The following VCAN variants were observed in gnomAD, a reference collection of about 807,000 sequenced individuals.
VCAN encodes the protein versican core protein.
VCAN carries 44 observed loss-of-function variants against 245.5 expected under a neutral mutation model. The ratio of observed to expected loss-of-function variants is 0.18; its 90% CI spans 0.14 to 0.23. The LOEUF (loss-of-function observed/expected upper bound fraction) is 0.23, where lower values mean the gene tolerates loss of function less well. VCAN is among the 10% of genes least tolerant of loss of function. The probability of loss-of-function intolerance (pLI) is 1.00; values close to 1 mark genes in which losing one functional copy is unlikely to be tolerated. For synonymous variants in VCAN, 1,413 were observed against 1,437.0 expected (o/e 0.98, Z 0.38); for missense variants, 3,793 against 4,057.9 (o/e 0.93, Z 1.77).
rs963729586 is a variant in VCAN at position 83,490,242 on chromosome 5, A to G, written c.215A>G (p.Asp72Gly). The change falls in exon 3 of 15, where the codon GAC becomes GGC. Residue 72 changes from aspartate to glycine, a missense_variant. Around this residue, in one of 5 missense-constraint regions of VCAN, gnomAD observed 179 missense variants for 169.7 expected, o/e 1.05. Transcript: ENST00000265077. ...ATCAAATGGTCTAAGATTGAAGTGG[A>G]CAAAAATGGAAAAGATTTGAAAGAG... Reference protein sequence around the residue: ...LRIKWSKIEVDKNGKDLKETT... With the variant: ...LRIKWSKIEVGKNGKDLKETT... 3 of 1,614,184 alleles carry G rather than the reference A, an allele frequency of 1.9e-6. No individual in the cohort carries two copies. Among genetic ancestry groups the G allele is most frequent in the Non-Finnish European group, 2.5e-6 (3 of 1,180,034 alleles).
chr5:83,579,233 TTTTGTTTGTTTG>T (rs558445739), intron 13 of VCAN, among the ~76,000 whole-genome samples: 8 of 143,958 alleles, frequency 5.6e-5, no homozygotes, highest in African/African-American at 2.0e-4. Context: ...TTGTAAGGTT[TTTTGTTTGTTTG>T]TTTGTTTGTT....
intron 12 of VCAN, among the ~76,000 whole-genome samples, chr5:83,559,383 G>C (rs572892971): frequency 1.3e-5 from 2 of 152,144 alleles, no homozygotes; most frequent in South Asian, 4.2e-4. Context: ...ATTGCCTTCA[G>C]TATAAAATGT....
intron 1 of VCAN, among the ~76,000 whole-genome samples, chr5:83,474,839 G>A (rs183416624): frequency 6.6e-6 from 1 of 152,348 alleles, no homozygotes; most frequent in East Asian, 1.9e-4. Context: ...CTTATTAAAA[G>A]GCTATTTAAG....
intron 5 of VCAN, among the ~76,000 whole-genome samples, chr5:83,494,717 G>A (rs1745104736): frequency 6.6e-6 from 1 of 152,212 alleles, no homozygotes; most frequent in Non-Finnish European, 1.5e-5. Context: ...CTTTGGGAGA[G>A]CTAGGTGGGA....
In VCAN at chr5:83,580,606, C is replaced by G; in HGVS notation, c.*172C>G. 1.1e-6 allele frequency: 1 copy of G among 916,012 alleles called. No individual in the cohort carries two copies. The allele number at this position is 916,012 out of a possible 1,614,324, so 56.7% of individuals were successfully genotyped here. A position where few individuals can be genotyped will look rare whatever the true frequency, so the allele number is the denominator to read the frequency against. On this transcript the variant is annotated 3_prime_UTR_variant, in exon 15 of 15. Transcript: ENST00000265077. ...CATTTTAAATGAAAGTATTGGCATT[C>G]AAAAAGACAGCAGACAAAATGAAAG...
rs149813818 is a variant in VCAN at position 83,526,576 on chromosome 5, A to C, written c.4003+4267A>C. On this transcript the variant is annotated intron_variant, in intron 7 of 14. Coordinates refer to ENST00000265077, the MANE Select transcript of VCAN (RefSeq NM_004385.5). ...AAAAAGAATGATATCTAGACCATTCAAAATAAAGCAAAAACAGTTACTCAT... is the reference window on the plus strand; with the variant it reads ...AAAAAGAATGATATCTAGACCATTCCAAATAAAGCAAAAACAGTTACTCAT... Among the ~76,000 whole-genome samples the C allele has an allele frequency of 3.4e-3, 511 of 152,360 alleles. 2 individuals are homozygous for C. Among genetic ancestry groups the C allele is most frequent in the Non-Finnish European group, 5.8e-3 (392 of 68,040 alleles).
intron 8 of VCAN, among the ~76,000 whole-genome samples, chr5:83,543,646 T>A (rs188686): frequency 0.5 from 76,482 of 152,048 alleles, 19,348 homozygotes; most frequent in Admixed American, 0.53. Flanking sequence ...TATTGTTTTT[T>A]AATTTAGTTT....
At chr5:83,563,379 A>G (rs1256591400) in intron 12 of VCAN, among the ~76,000 whole-genome samples, 2 of 152,176 alleles carry the variant, frequency 1.3e-5, no homozygotes, top group Non-Finnish European at 2.9e-5. Context: ...CAGACTGCAA[A>G]CAAATGCCTA....
Position 83,540,234 on chromosome 5 carries a change from G to T in VCAN, c.7231G>T (p.Ala2411Ser). Residue 2411 changes from alanine (A) to serine (S), a missense_variant, in exon 8 of 15, where the codon GCC becomes TCC. Coordinates refer to ENST00000265077, the MANE Select transcript of VCAN (RefSeq NM_004385.5). ...GGCTAGAGCTTATGGTTTTGAAATG[G>T]CCAAAGAATTTGTTACATCAGCACC... ...FLARAYGFEM[A>S]KEFVTSAPKP... 3 of 1,613,988 alleles carry T rather than the reference G, an allele frequency of 1.9e-6. No homozygotes were observed. Among genetic ancestry groups the T allele is most frequent in the Non-Finnish European group, 2.5e-6 (3 of 1,179,960 alleles).
chr5:83,476,009 C>T (rs1367529437), intron 1 of VCAN, among the ~76,000 whole-genome samples: 2 of 152,152 alleles, frequency 1.3e-5, no homozygotes, highest in Admixed American at 1.3e-4. Context: ...GAGGGAGATG[C>T]CTTTGATATT....
rs913676897 is a variant in VCAN at position 83,553,541 on chromosome 5, C to T, written c.9652+19C>T. ...GTTAATCGTATGTACCAAATAGATA[C>T]GAGTTTCCAGGAACTTCACTTCTCA... On this transcript the variant is annotated intron_variant, in intron 11 of 14. Coordinates refer to ENST00000265077, the MANE Select transcript of VCAN (RefSeq NM_004385.5). 5.6e-6 allele frequency: 9 copies of T among 1,613,650 alleles called. No individual in the cohort carries two copies. The highest frequency in any genetic ancestry group is 1.3e-5 in the African/African-American group (1 of 74,936).
rs1487844544 is a variant in VCAN at position 83,471,788 on chromosome 5, GAACT to G, written c.-241_-238del. Reference sequence around the variant, plus strand: ...AGCTGCCCCGAGCCTTTCTGGGGAAGAACTCCAGGCGTGCGGACGCAACAGCCGA... The same window carrying G: ...AGCTGCCCCGAGCCTTTCTGGGGAAGCCAGGCGTGCGGACGCAACAGCCGA... On this transcript the variant is annotated 5_prime_UTR_variant, in exon 1 of 15. Transcript: ENST00000265077. 2 of 398,746 alleles carry G rather than the reference GAACT, an allele frequency of 5.0e-6. No individual in the cohort carries two copies. Among genetic ancestry groups the G allele is most frequent in the Non-Finnish European group, 8.8e-6 (2 of 226,264 alleles). 24.7% of individuals were successfully genotyped at this position (398,746 alleles called of 1,614,324 possible).
chr5:83,524,693 C>T (rs879735583), intron 7 of VCAN, among the ~76,000 whole-genome samples: 1 of 152,062 alleles, frequency 6.6e-6, no homozygotes, highest in Non-Finnish European at 1.5e-5. Flanking sequence ...TAACTGCTCA[C>T]CTATACTAAT....
chr5:83,495,769 T>C (rs1745136632), intron 5 of VCAN, among the ~76,000 whole-genome samples: 1 of 152,190 alleles, frequency 6.6e-6, no homozygotes, highest in Non-Finnish European at 1.5e-5. Flanking sequence ...AAGATCTAAT[T>C]AACCTAAAAG....
chr5:83,486,584 G>A (rs1230339799), intron 2 of VCAN, among the ~76,000 whole-genome samples: 1 of 152,138 alleles, frequency 6.6e-6, no homozygotes, highest in Non-Finnish European at 1.5e-5. Flanking sequence ...GTATTGGAAG[G>A]GAATTTACAG....
At chr5:83,484,577 C>T (rs1437677805) in intron 2 of VCAN, among the ~76,000 whole-genome samples, 1 of 152,162 alleles carries the variant, frequency 6.6e-6, no homozygotes, top group African/African-American at 2.4e-5. Flanking sequence ...TTTTCCCACT[C>T]ACCCATTCAT....
Position 83,490,401 on chromosome 5 carries a change from C to A in VCAN, c.374C>A (p.Ala125Glu). 1 of 1,614,168 alleles carries A rather than the reference C, an allele frequency of 6.2e-7. No homozygotes were observed. Among genetic ancestry groups the A allele is most frequent in the Non-Finnish European group, 8.5e-7 (1 of 1,180,034 alleles). The change falls in exon 3 of 15, where the codon GCG (alanine) becomes GAG (glutamate). Residue 125 changes from alanine (A) to glutamate (E), a missense_variant. Coordinates refer to ENST00000265077, the MANE Select transcript of VCAN (RefSeq NM_004385.5). ...GTGGTCAAGCTGCTGGCAAGTGATG[C>A]GGGTCTTTACCGCTGTGACGTCATG... ...LTVVKLLASDAGLYRCDVMYG... is the reference protein window; with the variant it reads ...LTVVKLLASDEGLYRCDVMYG...
rs1461477138 is a variant in VCAN at position 83,572,327 on chromosome 5, A to T, written c.9736-89A>T. 4 of 1,492,608 alleles carry T rather than the reference A, an allele frequency of 2.7e-6. No individual in the cohort carries two copies. In the East Asian group the frequency reaches 6.8e-5, roughly 25 times the overall value. 92.5% of individuals were successfully genotyped at this position (1,492,608 alleles called of 1,614,324 possible). ...TGAAACAACAGAAATTGTTGAGTCT[A>T]TTCCAATTAGATTGTGATATAATAC... On this transcript the variant is annotated intron_variant, in intron 12 of 14. Coordinates refer to ENST00000265077, the MANE Select transcript of VCAN (RefSeq NM_004385.5).
intron 2 of VCAN, among the ~76,000 whole-genome samples, chr5:83,484,453 C>T (rs542275071): frequency 7.9e-5 from 12 of 151,572 alleles, no homozygotes; most frequent in Non-Finnish European, 1.5e-4. Context: ...TGTCCAAAAT[C>T]TTTCCATCTG....
Sources: allele counts gnomAD v4.1 joint callset (sites outside exome capture counted in the v4.1 genomes callset), GRCh38; gene constraint gnomAD v4.1.1; regional missense constraint gnomAD v4.1.1; transcripts MANE v1.5; gene names NCBI Gene and HGNC (gene_info 2026-07-23, HGNC 2026-07-21).